ASAP1: variants seen among roughly 807,000 people sequenced by gnomAD.
The protein encoded by ASAP1 is arf-GAP with SH3 domain, ANK repeat and PH domain-containing protein 1.
In ASAP1, 43 loss-of-function variants were observed where a neutral mutation model predicts 145.2. The ratio of observed to expected loss-of-function variants is 0.30; its 90% confidence interval spans 0.23 to 0.38. The LOEUF (loss-of-function observed/expected upper bound fraction) is 0.38. Among genes scored for constraint, ASAP1 ranks in the 10% least tolerant of loss-of-function variants. The pLI, the probability that ASAP1 is intolerant of heterozygous loss-of-function variation, is 1.00. For missense variants in ASAP1, 1,018 were observed against 1,355.3 expected (o/e 0.75, Z 3.91); for synonymous variants, 546 against 515.5 (o/e 1.06, Z -0.80).
chr8:130,279,572 T>G lies in ASAP1; in HGVS notation c.187-42578A>C, dbSNP rs988358233. Among the ~76,000 whole-genome samples, 8 of 152,212 alleles carry G rather than the reference T, an allele frequency of 5.3e-5. No homozygotes were observed. In the East Asian group the frequency reaches 1.5e-3, roughly 29 times the overall value. On this transcript the variant is annotated intron_variant, in intron 3 of 29. Transcript: ENST00000518721. The stretch of plus-strand genomic sequence containing the variant: ...CGCAGGGTTCAAATTCCAGCTTGGG[T>G]GCTTATCAGCTGTGTGATCTCAAAC...
chr8:130,279,807 C>T (rs1821148237), intron 3 of ASAP1, among the ~76,000 whole-genome samples: 1 of 152,204 alleles, frequency 6.6e-6, no homozygotes, highest in Admixed American at 6.5e-5. Flanking sequence ...AAGCAGGAAA[C>T]CGGTCCACTA....
At chr8:130,357,698 G>A (rs910998440) in intron 3 of ASAP1, among the ~76,000 whole-genome samples, 2 of 152,250 alleles carry the variant, frequency 1.3e-5, no homozygotes, top group African/African-American at 4.8e-5. Flanking sequence ...GGTTACAGGA[G>A]GGTCACGAAG....
At chr8:130,099,700 T>TTTTTTTTTTTG (rs35874860) in intron 24 of ASAP1, among the ~76,000 whole-genome samples, 1 of 125,124 alleles carries the variant, frequency 8.0e-6, no homozygotes. Flanking sequence ...TTTTTTTTTT[T>TTTTTTTTTTTG]GAGACAGAGT....
rs773414114 is a variant in ASAP1 at position 130,315,748 on chromosome 8, G to A, written c.186+42269C>T. Among the ~76,000 whole-genome samples the A allele has an allele frequency of 3.3e-5, 5 of 152,102 alleles. 1 individual carries two copies. The highest frequency in any genetic ancestry group is 1.3e-4 in the Admixed American group (2 of 15,270). On this transcript the variant is annotated intron_variant, in intron 3 of 29. Coordinates refer to ENST00000518721, the MANE Select transcript of ASAP1 (RefSeq NM_018482.4). ...TGGAATGACTATTACAGTGTATGGCGTACAGAGGAAATTGGAAAATGCAAA... is the reference window on the plus strand; with the variant it reads ...TGGAATGACTATTACAGTGTATGGCATACAGAGGAAATTGGAAAATGCAAA...
intron 9 of ASAP1, among the ~76,000 whole-genome samples, chr8:130,178,442 T>C (rs564609470): frequency 7.9e-5 from 12 of 152,316 alleles, no homozygotes; most frequent in Admixed American, 4.6e-4. Context: ...AACAAAAAGA[T>C]AGCCCTGCAA....
intron 1 of ASAP1, among the ~76,000 whole-genome samples, chr8:130,434,602 C>T (rs1242738399): frequency 6.6e-6 from 1 of 152,124 alleles, no homozygotes; most frequent in Non-Finnish European, 1.5e-5. Flanking sequence ...TGCTCCTACC[C>T]TCCACCCGCC....
At chr8:130,081,600 A>G (rs1210427958) in intron 25 of ASAP1, among the ~76,000 whole-genome samples, 1 of 150,552 alleles carries the variant, frequency 6.6e-6, no homozygotes, top group Admixed American at 6.7e-5. Flanking sequence ...AAAAAAAACT[A>G]ACTGATCCTC....
In ASAP1 at chr8:130,224,703, G is replaced by T. The variant is rs73427323; in HGVS notation, c.260-10002C>A. Among the ~76,000 whole-genome samples, 615 of 152,258 alleles carry T rather than the reference G, an allele frequency of 4.0e-3. 3 individuals carry two copies. The highest frequency in any genetic ancestry group is 0.014 in the African/African-American group (591 of 41,548). On this transcript the variant is annotated intron_variant, in intron 4 of 29. Transcript: ENST00000518721. ...AAGTAAATCTAATTATTTTAACTGGGATATGTTCCATAATAAATACGCCTG... is the reference window on the plus strand; with the variant it reads ...AAGTAAATCTAATTATTTTAACTGGTATATGTTCCATAATAAATACGCCTG...
intron 2 of ASAP1, among the ~76,000 whole-genome samples, chr8:130,382,637 A>G (rs1338045125): frequency 2.0e-5 from 3 of 152,198 alleles, no homozygotes; most frequent in Non-Finnish European, 4.4e-5. Context: ...ACTTGAGGCC[A>G]GGAGTTTGAG....
chr8:130,232,058 G>C (rs992616438), intron 4 of ASAP1, among the ~76,000 whole-genome samples: 10 of 152,180 alleles, frequency 6.6e-5, no homozygotes, highest in African/African-American at 2.4e-4. Context: ...AGGACTGCTT[G>C]AGTATCCTCA....
chr8:130,351,033 AGAGATTTACT>A (rs1825965323), intron 3 of ASAP1, among the ~76,000 whole-genome samples: 1 of 152,258 alleles, frequency 6.6e-6, no homozygotes, highest in Non-Finnish European at 1.5e-5. Flanking sequence ...CACAAAAGGC[AGAGATTTACT>A]GAGGGGTCCA....
Position 130,404,239 on chromosome 8 carries a change from A to G in ASAP1, c.-27-2269T>C, listed in dbSNP as rs186522892. Among the ~76,000 whole-genome samples, 52 of 152,334 alleles carry G rather than the reference A, an allele frequency of 3.4e-4. 1 individual carries two copies. The East Asian group carries it at 9.1e-3, about 27-fold the overall frequency. The stretch of plus-strand genomic sequence containing the variant: ...ATCAAACCATTTCCTTCAAACTTAG[A>G]TGCCAACAGCAATTGAATCTTCCTG... On this transcript the variant is annotated intron_variant, in intron 1 of 29. Transcript: ENST00000518721.
At chr8:130,205,227 A>G (rs891652816) in intron 5 of ASAP1, among the ~76,000 whole-genome samples, 2 of 152,166 alleles carry the variant, frequency 1.3e-5, no homozygotes, top group African/African-American at 4.8e-5. Context: ...TGTAAGTGAA[A>G]TAATACTAGA....
At chr8:130,333,112 G>A (rs1824801765) in intron 3 of ASAP1, among the ~76,000 whole-genome samples, 1 of 151,972 alleles carries the variant, frequency 6.6e-6, no homozygotes, top group African/African-American at 2.4e-5. Context: ...AAAACTCAAG[G>A]GGGAATTACA....
At chr8:130,182,095 T>C (rs1400192812) in intron 7 of ASAP1, among the ~76,000 whole-genome samples, 1 of 152,230 alleles carries the variant, frequency 6.6e-6, no homozygotes, top group Non-Finnish European at 1.5e-5. Context: ...CGAAGAGGCA[T>C]AACAGGGATT....
In ASAP1 at chr8:130,358,940, T is replaced by A. The variant is rs1826555039; in HGVS notation, c.60-797A>T. ...CCAAAAAAGTTGTACGTGTTCTTTT[T>A]TAGTCGCGTGTGGGTGCAGGAAGTG... On this transcript the variant is annotated intron_variant, in intron 2 of 29. Transcript: ENST00000518721. The surrounding 1 kb of genome is among the most constrained non-coding windows in gnomAD (Gnocchi z 4.1). Among the ~76,000 whole-genome samples the A allele has an allele frequency of 6.6e-6, 1 of 152,062 alleles. No individual in the cohort carries two copies. Among genetic ancestry groups the A allele is most frequent in the Admixed American group, 6.5e-5 (1 of 15,282 alleles).
intron 3 of ASAP1, among the ~76,000 whole-genome samples, chr8:130,281,160 A>T (rs761575027): frequency 1.4e-4 from 22 of 152,102 alleles, no homozygotes; most frequent in Non-Finnish European, 2.5e-4. Flanking sequence ...ATCTAGATAA[A>T]CTCAATTACC....
intron 3 of ASAP1, among the ~76,000 whole-genome samples, chr8:130,357,273 C>T (rs1826376856): frequency 6.6e-6 from 1 of 152,172 alleles, no homozygotes; most frequent in African/African-American, 2.4e-5. Flanking sequence ...CGCCTCGGGC[C>T]TCCCTTCTCC....
At chr8:130,436,240 C>G (rs1221943874) in intron 1 of ASAP1, among the ~76,000 whole-genome samples, 3 of 152,214 alleles carry the variant, frequency 2.0e-5, no homozygotes, top group Non-Finnish European at 4.4e-5. Context: ...ATTATAAACT[C>G]TCACCTGTAA....
Sources: gnomAD v4.1 joint callset for allele counts (sites outside exome capture counted in the v4.1 genomes callset) on GRCh38, gnomAD v4.1.1 for gene constraint, Gnocchi (gnomAD v3.1) non-coding constraint, MANE v1.5 for transcripts, NCBI Gene and HGNC (gene_info 2026-07-23, HGNC 2026-07-21) for gene names.